TMEM131: variants seen among roughly 807,000 people sequenced by gnomAD.
TMEM131 encodes 2610524E03Rik.
Under a neutral mutation model 211.6 loss-of-function variants are expected in TMEM131, and 66 were observed. The observed-to-expected ratio is 0.31, with a 90% confidence interval of 0.26 to 0.38. The LOEUF is 0.38. TMEM131 is among the 10% of genes least tolerant of loss of function. The pLI is 1.00. For synonymous variants in TMEM131, 844 were observed against 841.3 expected, an observed-to-expected ratio of 1.00 and a Z score of -0.06; for missense variants, 2,036 against 2,299.3, an observed-to-expected ratio of 0.89 and a Z score of 2.34.
rs117289259 is a variant in TMEM131, at chr2:97,842,074, C to A, written c.601-137G>T. On this transcript the variant is annotated intron_variant, in intron 6 of 40. Coordinates refer to ENST00000186436, the MANE Select transcript of TMEM131 (RefSeq NM_015348.2). ...TAACAATCCCTTTATTTAAAAAAAACCCCCACAAATGTTGTTTCTGTACAT... is the reference window on the plus strand; with the variant it reads ...TAACAATCCCTTTATTTAAAAAAAAACCCCACAAATGTTGTTTCTGTACAT... 965 of 828,614 alleles carry A rather than the reference C, an allele frequency of 1.2e-3. 11 individuals carry two copies. In the East Asian group the frequency reaches 0.021, roughly 18 times the overall value. 51.3% of individuals were successfully genotyped at this position (828,614 alleles called of 1,614,324 possible).
At chr2:97,910,203 T>C (rs923977512) in intron 2 of TMEM131, among the ~76,000 whole-genome samples, 2 of 144,858 alleles carry the variant, frequency 1.4e-5, no homozygotes, top group South Asian at 4.2e-4. Flanking sequence ...GGATGACTAC[T>C]ATTTAAAATT....
rs1226384724 is a variant in TMEM131, at chr2:97,981,882, T to C, written c.187+13594A>G. Among the ~76,000 whole-genome samples, 2 of 152,220 alleles carry C rather than the reference T, an allele frequency of 1.3e-5. 1 individual carries two copies. The highest frequency in any genetic ancestry group is 6.3e-3 in the Middle Eastern group (2 of 316). ...TCACCTGTGTTGTAACAAGCATTCA[T>C]AATAATACTTCACTCATTTCTATGG... On this transcript the variant is annotated intron_variant, in intron 1 of 40. Coordinates refer to ENST00000186436, the MANE Select transcript of TMEM131 (RefSeq NM_015348.2).
intron 33 of TMEM131, among the ~76,000 whole-genome samples, chr2:97,770,897 A>C (rs1457676097): frequency 6.6e-6 from 1 of 152,176 alleles, no homozygotes; most frequent in Non-Finnish European, 1.5e-5. Flanking sequence ...ATTTGGACTT[A>C]TTAGCCTCAT....
intron 1 of TMEM131, among the ~76,000 whole-genome samples, chr2:97,946,452 A>G (rs1678047920): frequency 6.6e-6 from 1 of 152,028 alleles, no homozygotes; most frequent in Non-Finnish European, 1.5e-5. Flanking sequence ...AAACATTAGA[A>G]GACTAATCAG....
chr2:97,805,276 G>A (rs6737992), intron 21 of TMEM131, 71 bp from the exon 22 acceptor site: 2 of 1,559,952 alleles, frequency 1.3e-6, no homozygotes, highest in African/African-American at 2.7e-5. Flanking sequence ...AATTTCTATA[G>A]TAACAAAAGA....
chr2:97,844,453 A>C (rs1179320063), intron 5 of TMEM131, among the ~76,000 whole-genome samples, 192 bp from the exon 6 acceptor site: 1 of 152,226 alleles, frequency 6.6e-6, no homozygotes, highest in Non-Finnish European at 1.5e-5. Context: ...ATCTTTGTCA[A>C]TTACCAGCCA....
Position 97,842,000 on chromosome 2 carries a change from AACTG to A in TMEM131, c.601-67_601-64del, listed in dbSNP as rs1683221413. On this transcript the variant is annotated intron_variant, in intron 6 of 40. Transcript: ENST00000186436. The stretch of plus-strand genomic sequence containing the variant: ...TTTTATAATTAATATTTTTAGTTAT[AACTG>A]ACTGATCTAGGGAGACTGGCAAATC... 3.6e-6 allele frequency: 5 copies of A among 1,407,410 alleles called. No individual in the cohort carries two copies. The South Asian group carries it at 4.8e-5, about 14-fold the overall frequency. 87.2% of individuals were successfully genotyped at this position (1,407,410 alleles called of 1,614,324 possible).
At chr2:97,827,500 G>A (rs1682459858) in intron 11 of TMEM131, 3 of 1,091,222 alleles carry the variant, frequency 2.7e-6, no homozygotes, top group Admixed American at 1.7e-5. Flanking sequence ...GAAAACTGAG[G>A]AGAGTCCAGC....
chr2:97,887,825 C>T, intron 4 of TMEM131: 2 of 423,950 alleles, frequency 4.7e-6, no homozygotes, highest in South Asian at 6.4e-5. Flanking sequence ...CCAGAGACTA[C>T]AACAAGCGAG....
intron 30 of TMEM131, 137 bp from the exon 31 acceptor site, chr2:97,793,121 T>A: frequency 1.4e-6 from 1 of 697,874 alleles, no homozygotes; most frequent in Admixed American, 3.2e-5. Context: ...ATAGGGAAAT[T>A]TCTACAACTC....
At chr2:97,848,608 TC>T (rs1198886116) in intron 5 of TMEM131, among the ~76,000 whole-genome samples, 1 of 152,190 alleles carries the variant, frequency 6.6e-6, no homozygotes, top group Non-Finnish European at 1.5e-5. Flanking sequence ...AAAGTCTTGT[TC>T]AGTACAGAAG....
rs534208124 is a variant in TMEM131 at position 97,774,093 on chromosome 2, A to AT, written c.4321-1670dup. 2.8e-4 allele frequency among the ~76,000 whole-genome samples: 43 copies of AT among 152,374 alleles called. No individual in the cohort carries two copies. The East Asian group carries it at 5.6e-3, about 20-fold the overall frequency. ...TTAATAGGTCACACCAGGTGAATCT[A>AT]TTTAACTGTCAAGAGTAAATAACCA... is the stretch of plus-strand genomic sequence containing the variant. On this transcript the variant is annotated intron_variant, in intron 32 of 40. Coordinates refer to ENST00000186436, the MANE Select transcript of TMEM131 (RefSeq NM_015348.2).
At chr2:97,994,476 T>TA (rs1680402308) in intron 1 of TMEM131, among the ~76,000 whole-genome samples, 1 of 152,208 alleles carries the variant, frequency 6.6e-6, no homozygotes, top group African/African-American at 2.4e-5. Flanking sequence ...TCAGCAACAA[T>TA]AAAAAGCAAG....
chr2:97,907,299 A>G (rs950064269), intron 3 of TMEM131: 1 of 152,178 alleles, frequency 6.6e-6, no homozygotes, highest in Non-Finnish European at 1.5e-5. Flanking sequence ...TGACAGAACA[A>G]TGGGGGAAAA....
Position 97,923,628 on chromosome 2 carries a change from T to TAAAAAA in TMEM131, c.249+3792_249+3797dup, listed in dbSNP as rs71386040. Among the ~76,000 whole-genome samples the TAAAAAA allele has an allele frequency of 7.0e-4, 21 of 30,208 alleles. No homozygotes were observed. The South Asian group carries it at 8.2e-3, about 12-fold the overall frequency. The allele number at this position is 30,208 out of a possible 152,430, so 19.8% of individuals were successfully genotyped here. On this transcript the variant is annotated intron_variant, in intron 2 of 40. Coordinates refer to ENST00000186436, the MANE Select transcript of TMEM131 (RefSeq NM_015348.2). The stretch of plus-strand genomic sequence containing the variant: ...CAGAGCAAGACACTGTCTTTTTTTT[T>TAAAAAA]AAAAAAAAAAAAAAAAAAAAAAAAA...
At chr2:97,988,017 A>G (rs1207124000) in intron 1 of TMEM131, among the ~76,000 whole-genome samples, 1 of 152,252 alleles carries the variant, frequency 6.6e-6, no homozygotes, top group East Asian at 1.9e-4. Flanking sequence ...TTGAAAAGGA[A>G]GAAGACAGTT....
At chr2:97,849,717 C>CTTTTTTT (rs11320615) in intron 5 of TMEM131, among the ~76,000 whole-genome samples, 6 of 103,826 alleles carry the variant, frequency 5.8e-5, no homozygotes, top group Non-Finnish European at 9.2e-5. Context: ...CTCTCTCTCT[C>CTTTTTTT]TTTTTTTTTT....
chr2:97,864,702 G>A (rs1188268759), intron 4 of TMEM131, among the ~76,000 whole-genome samples: 2 of 152,202 alleles, frequency 1.3e-5, no homozygotes, highest in African/African-American at 4.8e-5. Context: ...CCAAAAAACA[G>A]TGAGAAGCCC....
intron 6 of TMEM131, among the ~76,000 whole-genome samples, chr2:97,842,616 T>C (rs1683250486): frequency 1.3e-5 from 2 of 152,142 alleles, no homozygotes; most frequent in Admixed American, 1.3e-4. Flanking sequence ...GAGAGTGGCC[T>C]GGAAGACAGC....
Sources: allele counts gnomAD v4.1 joint callset (sites outside exome capture counted in the v4.1 genomes callset), GRCh38; gene constraint gnomAD v4.1.1; transcripts MANE v1.5; gene names NCBI Gene and HGNC (gene_info 2026-07-23, HGNC 2026-07-21).